Variants in PLIN5 observed in about 807,000 individuals in gnomAD.
The protein encoded by PLIN5 is perilipin 5.
PLIN5 carries 34 observed loss-of-function variants against 32.8 expected under a neutral mutation model. The ratio of observed to expected loss-of-function variants is 1.04; its 90% confidence interval spans 0.79 to 1.38. The LOEUF (loss-of-function observed/expected upper bound fraction) is 1.38, where lower values mean the gene tolerates loss of function less well. Ranked by LOEUF, PLIN5 falls within the 40% of genes most tolerant of loss-of-function variation. The pLI, the probability that PLIN5 is intolerant of heterozygous loss-of-function variation, is 0.00. For missense variants in PLIN5, 712 were observed against 660.5 expected, an observed-to-expected ratio of 1.08 and a Z score of -0.85; for synonymous variants, 309 against 292.9, an observed-to-expected ratio of 1.05 and a Z score of -0.56.
At chr19:4,529,553 C>CATATATACTTATACGTATATATAA in intron 4 of PLIN5, 1 of 499,772 alleles carries the variant, frequency 2.0e-6, no homozygotes, top group South Asian at 3.1e-5. Context: ...CGTATATATA[C>CATATATACTTATACGTATATATAA]ATATATACTT....
chr19:4,523,517 T>A lies in PLIN5; in HGVS notation c.*11A>T, dbSNP rs759577942. On this transcript the variant is annotated 3_prime_UTR_variant, in exon 8 of 8. Transcript: ENST00000381848. This position sits in a 1 kb window ranked among gnomAD's most constrained non-coding sequence, Gnocchi z 5.0. ...GGTGGCCTTTCCTCCCCGCCTCCAC[T>A]GGCCCATGGGTCAGAAGTCCAGCTC... is the stretch of plus-strand genomic sequence containing the variant. The A allele has an allele frequency of 1.4e-5, 22 of 1,535,618 alleles. No individual in the cohort carries two copies. In the Admixed American group the frequency reaches 4.3e-4, roughly 30 times the overall value.
intron 7 of PLIN5, 95 bp downstream of exon 7, chr19:4,524,868 C>G: frequency 9.3e-7 from 1 of 1,072,608 alleles, no homozygotes. Context: ...GTTGGGTCCC[C>G]GGCAGTACTG....
At chr19:4,533,807 GTGTCTT>G in intron 2 of PLIN5, 1 of 605,978 alleles carries the variant, frequency 1.7e-6, no homozygotes, top group South Asian at 2.1e-5. Context: ...AGCCAGCTGG[GTGTCTT>G]TGAGAGACAC....
intron 5 of PLIN5, among the ~76,000 whole-genome samples, chr19:4,528,034 T>C (rs377576809): frequency 6.0e-5 from 9 of 149,848 alleles, no homozygotes; most frequent in East Asian, 2.0e-4. Flanking sequence ...CTCAGCCTCC[T>C]GAGTAGCTGG....
chr19:4,524,825 G>C, intron 7 of PLIN5, 138 bp downstream of exon 7: 1 of 560,398 alleles, frequency 1.8e-6, no homozygotes, highest in Non-Finnish European at 2.9e-6. Flanking sequence ...ACCTCAACTA[G>C]CTGAGCTCAG....
chr19:4,523,078 CTT>C lies in PLIN5; in HGVS notation c.*448_*449del, dbSNP rs71168910. ...TACAGGTGCACACCACCACACCTGG[CTT>C]TTTTTTTTTTTTTCTTTCTTTCTAA... On this transcript the variant is annotated 3_prime_UTR_variant, in exon 8 of 8. Transcript: ENST00000381848. The surrounding 1 kb of genome is among the most constrained non-coding windows in gnomAD (Gnocchi z 5.0). 1.3e-3 allele frequency: 179 copies of C among 140,210 alleles called. 1 individual carries two copies. Among genetic ancestry groups the C allele is most frequent in the Middle Eastern group, 3.6e-3 (1 of 276 alleles). The allele number at this position is 140,210 out of a possible 1,614,324, so 8.7% of individuals were successfully genotyped here.
Position 4,523,930 on chromosome 19 carries a change from G to C in PLIN5, c.990C>G (p.Phe330Leu), listed in dbSNP as rs764528049. 2.4e-5 allele frequency: 37 copies of C among 1,529,128 alleles called. No individual in the cohort carries two copies. The African/African-American group carries it at 4.6e-4, about 19-fold the overall frequency. The allele number at this position is 1,529,128 out of a possible 1,614,324, so 94.7% of individuals were successfully genotyped here. ...RRSVDALQTA[F>L]ADARCFRDVP... ...CGTCCCTGAAGCAGCGGGCATCAGC[G>C]AAGGCGGTCTGCAGGGCATCCACAC... Residue 330 changes from phenylalanine (F) to leucine (L), a missense_variant, in exon 8 of 8, where the codon TTC (phenylalanine) becomes TTG (leucine). Coordinates refer to ENST00000381848, the MANE Select transcript of PLIN5 (RefSeq NM_001013706.3). This position sits in a 1 kb window ranked among gnomAD's most constrained non-coding sequence, Gnocchi z 5.0.
intron 2 of PLIN5, 143 bp downstream of exon 2, chr19:4,533,872 C>T (rs1976916238): frequency 1.0e-6 from 1 of 969,296 alleles, no homozygotes; most frequent in Admixed American, 2.4e-5. Context: ...AGACCATCCC[C>T]TCCATGGACC....
chr19:4,532,512 T>A (rs1976899939), intron 2 of PLIN5: 1 of 152,190 alleles, frequency 6.6e-6, no homozygotes, highest in African/African-American at 2.4e-5. Context: ...GCCAATTTTG[T>A]TTTTATTTTT....
Position 4,525,031 on chromosome 19 carries a change from G to T in PLIN5, c.766C>A (p.Pro256Thr). ...CGVTPTAPAC[P>T]GKVHELWGEW... ...CCCCACAGCTCGTGCACCTTCCCAG[G>T]GCAGGCCGGGGCGGTGGGGGTCACC... Residue 256 changes from proline to threonine, a missense_variant, in exon 7 of 8, where the codon CCT becomes ACT. Pro to Thr is a conservative substitution (Grantham distance 38). Coordinates refer to ENST00000381848, the MANE Select transcript of PLIN5 (RefSeq NM_001013706.3). The surrounding 1 kb of genome is among the most constrained non-coding windows in gnomAD (Gnocchi z 5.6). The T allele has an allele frequency of 6.8e-7, 1 of 1,477,178 alleles. No homozygotes were observed. Among genetic ancestry groups the T allele is most frequent in the Non-Finnish European group, 9.0e-7 (1 of 1,115,260 alleles). 91.5% of individuals were successfully genotyped at this position (1,477,178 alleles called of 1,614,324 possible). A position where few individuals can be genotyped will look rare whatever the true frequency, so the allele number is the denominator to read the frequency against.
chr19:4,527,770 G>A (rs1031798657), intron 5 of PLIN5, among the ~76,000 whole-genome samples: 8 of 150,264 alleles, frequency 5.3e-5, no homozygotes, highest in African/African-American at 2.0e-4. Context: ...GCTTGAACAC[G>A]GGAGGCAGAG....
chr19:4,523,960 C>A lies in PLIN5; in HGVS notation c.960G>T (p.Arg320=), dbSNP rs1001993293. The change falls in exon 8 of 8, where the codon CGG becomes CGT. Residue 320 remains arginine, a synonymous_variant. Coordinates refer to ENST00000381848, the MANE Select transcript of PLIN5 (RefSeq NM_001013706.3). The surrounding 1 kb of genome is among the most constrained non-coding windows in gnomAD (Gnocchi z 5.0). ...CGGTCTGCAGGGCATCCACACTGCGCCGCACCTCAGCCACCTTCTCCTGGG... is the reference window on the plus strand; with the variant it reads ...CGGTCTGCAGGGCATCCACACTGCGACGCACCTCAGCCACCTTCTCCTGGG... ...AGAQEKVAEV[R]RSVDALQTAF... is the part of the protein sequence containing the mutation. 4 of 1,528,682 alleles carry A rather than the reference C, an allele frequency of 2.6e-6. No homozygotes were observed. Among genetic ancestry groups the A allele is most frequent in the Admixed American group, 4.0e-5 (2 of 50,330 alleles). 94.7% of individuals were successfully genotyped at this position (1,528,682 alleles called of 1,614,324 possible). A position where few individuals can be genotyped will look rare whatever the true frequency, so the allele number is the denominator to read the frequency against.
chr19:4,529,579 T>C lies in PLIN5; in HGVS notation c.339+205A>G, dbSNP rs1468507016. 6 of 525,058 alleles carry C rather than the reference T, an allele frequency of 1.1e-5. No homozygotes were observed. The African/African-American group carries it at 1.2e-4, about 10-fold the overall frequency. 32.5% of individuals were successfully genotyped at this position (525,058 alleles called of 1,614,324 possible). ...ATATATACTTATACGTATATATACA[T>C]ATATACACTATACGTATATACATAT... On this transcript the variant is annotated intron_variant, in intron 4 of 7. Transcript: ENST00000381848.
At chr19:4,529,544 G>GTA (rs757945676) in intron 4 of PLIN5, 2 of 406,754 alleles carry the variant, frequency 4.9e-6, no homozygotes, top group African/African-American at 4.4e-5. Context: ...ATACTTATAC[G>GTA]TATATATACA....
intron 2 of PLIN5, chr19:4,532,784 C>T (rs1568246570): frequency 2.6e-5 from 4 of 152,256 alleles, no homozygotes; most frequent in Admixed American, 2.6e-4. Context: ...ATCCTCCAAC[C>T]TCAGTTTCCA....
At position 4,525,810 on chromosome 19, in the gene PLIN5, T is replaced by C; in HGVS notation, c.543A>G (p.Glu181=). ...EELAALAAEA[E]GPEVGSVEDQ... is the part of the protein sequence containing the mutation. ...CCTCCACCGAACCCACTTCAGGGCCTTCAGCCTCAGCCGCCAGTGCCGCTG... is the reference window on the plus strand; with the variant it reads ...CCTCCACCGAACCCACTTCAGGGCCCTCAGCCTCAGCCGCCAGTGCCGCTG... The change falls in exon 6 of 8, where the codon GAA becomes GAG. Residue 181 remains glutamate (E), a synonymous_variant. Coordinates refer to ENST00000381848, the MANE Select transcript of PLIN5 (RefSeq NM_001013706.3). The surrounding 1 kb of genome is among the most constrained non-coding windows in gnomAD (Gnocchi z 5.6). The C allele has an allele frequency of 6.2e-7, 1 of 1,612,292 alleles. No individual in the cohort carries two copies. The highest frequency in any genetic ancestry group is 8.5e-7 in the Non-Finnish European group (1 of 1,179,636).
chr19:4,527,261 G>C (rs1379994219), intron 5 of PLIN5, among the ~76,000 whole-genome samples: 2 of 151,500 alleles, frequency 1.3e-5, no homozygotes, highest in Non-Finnish European at 2.9e-5. Flanking sequence ...ATTTTTAGTA[G>C]AGACGGGGTT....
intron 7 of PLIN5, 28 bp from the exon 8 acceptor site, chr19:4,524,113 C>G: frequency 7.2e-7 from 1 of 1,392,422 alleles, no homozygotes. Context: ...CTCAGTTTCC[C>G]CTATGGACGC....
intron 5 of PLIN5, 27 bp downstream of exon 5, chr19:4,529,046 G>A: frequency 6.2e-7 from 1 of 1,605,912 alleles, no homozygotes; most frequent in Non-Finnish European, 8.5e-7. Flanking sequence ...AGGACTCAGG[G>A]GTTAGGGTTG....
Sources: gnomAD v4.1 joint callset for allele counts (sites outside exome capture counted in the v4.1 genomes callset) on GRCh38, gnomAD v4.1.1 for gene constraint, Gnocchi (gnomAD v3.1) non-coding constraint, MANE v1.5 for transcripts, NCBI Gene and HGNC (gene_info 2026-07-23, HGNC 2026-07-21) for gene names.